Variants in FNDC3B observed in about 807,000 individuals in gnomAD.
The protein encoded by FNDC3B is fibronectin type III domain containing 3B.
In FNDC3B, 12 loss-of-function variants were observed where a neutral mutation model predicts 151.5. The observed-to-expected ratio is 0.08, with a 90% CI of 0.05 to 0.13. The LOEUF (loss-of-function observed/expected upper bound fraction) is 0.13. Ranked by LOEUF, FNDC3B falls within the 10% of genes least tolerant of loss-of-function variation. The pLI, the probability that FNDC3B is intolerant of heterozygous loss-of-function variation, is 1.00. For missense variants in FNDC3B, 1,214 were observed against 1,505.3 expected, an observed-to-expected ratio of 0.81 and a Z score of 3.20; for synonymous variants, 528 against 549.0, an observed-to-expected ratio of 0.96 and a Z score of 0.54.
intron 1 of FNDC3B, among the ~76,000 whole-genome samples, chr3:172,072,892 G>C (rs1717846951): frequency 1.3e-5 from 2 of 152,128 alleles, no homozygotes; most frequent in Admixed American, 1.3e-4. Flanking sequence ...TGCCTCTTAT[G>C]ATGTGCTTTC....
At chr3:172,217,224 G>A (rs1471105218) in intron 3 of FNDC3B, among the ~76,000 whole-genome samples, 2 of 152,202 alleles carry the variant, frequency 1.3e-5, no homozygotes, top group Non-Finnish European at 2.9e-5. Context: ...TCTAAAAACT[G>A]GAGTTGAAGG....
chr3:172,172,901 T>TA (rs1723355875), intron 3 of FNDC3B, among the ~76,000 whole-genome samples: 1 of 152,198 alleles, frequency 6.6e-6, no homozygotes, highest in African/African-American at 2.4e-5. Context: ...GTGAGTTACT[T>TA]AGGGTGTATT....
chr3:172,277,103 C>G (rs1465751165), intron 6 of FNDC3B, among the ~76,000 whole-genome samples: 1 of 152,000 alleles, frequency 6.6e-6, no homozygotes, highest in African/African-American at 2.4e-5. Context: ...GTCATGAGAT[C>G]AATAACTTTC....
intron 7 of FNDC3B, among the ~76,000 whole-genome samples, chr3:172,293,765 G>A (rs1032376407): frequency 7.2e-5 from 11 of 152,172 alleles, no homozygotes; most frequent in African/African-American, 2.2e-4. Flanking sequence ...TAAATAGTAC[G>A]AAGTGATCTC....
intron 1 of FNDC3B, among the ~76,000 whole-genome samples, chr3:172,057,285 A>T (rs1270265690): frequency 6.6e-6 from 1 of 152,192 alleles, no homozygotes; most frequent in African/African-American, 2.4e-5. Context: ...AGCATCCTTC[A>T]TCTCTGTCAT....
chr3:172,199,014 A>T (rs1441620149), intron 3 of FNDC3B, among the ~76,000 whole-genome samples: 2 of 151,490 alleles, frequency 1.3e-5, no homozygotes, highest in Non-Finnish European at 2.9e-5. Flanking sequence ...TTTTTTGTAG[A>T]TACAGGGTCT....
At chr3:172,241,765 C>G (rs933664833) in intron 4 of FNDC3B, among the ~76,000 whole-genome samples, 1 of 152,168 alleles carries the variant, frequency 6.6e-6, no homozygotes, top group African/African-American at 2.4e-5. Context: ...TCATTATGTA[C>G]CTGGCCCCTC....
At chr3:172,054,265 C>G (rs1423306471) in intron 1 of FNDC3B, among the ~76,000 whole-genome samples, 1 of 152,182 alleles carries the variant, frequency 6.6e-6, no homozygotes, top group Non-Finnish European at 1.5e-5. Flanking sequence ...TCTCTGAGAA[C>G]TCAGAAAGCA....
rs538046992 is a variant in FNDC3B at position 172,098,907 on chromosome 3, T to C, written c.-28-13545T>C. On this transcript the variant is annotated intron_variant, in intron 1 of 25. Coordinates refer to ENST00000415807, the MANE Select transcript of FNDC3B (RefSeq NM_022763.4). ...AAGGCGTGCTTCCTGTGTGAGTACCTATTGTGGAGTCCTCGGTTGAATGGG... is the reference window on the plus strand; with the variant it reads ...AAGGCGTGCTTCCTGTGTGAGTACCCATTGTGGAGTCCTCGGTTGAATGGG... 2.6e-5 allele frequency among the ~76,000 whole-genome samples: 4 copies of C among 152,322 alleles called. No individual in the cohort carries two copies. The East Asian group carries it at 7.7e-4, about 29-fold the overall frequency.
At chr3:172,319,758 A>G (rs990778633) in intron 11 of FNDC3B, among the ~76,000 whole-genome samples, 1 of 152,212 alleles carries the variant, frequency 6.6e-6, no homozygotes, top group African/African-American at 2.4e-5. Context: ...TCTGAAGCCA[A>G]CATTGGTCTT....
At position 172,040,393 on chromosome 3, in the gene FNDC3B, G is replaced by GC. The variant is rs543262423; in HGVS notation, c.-29+629dup. 2.6e-4 allele frequency among the ~76,000 whole-genome samples: 40 copies of GC among 151,876 alleles called. 1 individual carries two copies. In the South Asian group the frequency reaches 8.1e-3, roughly 31 times the overall value. ...AGGGTCCCGAGCCCGCGCCGGCCTG[G>GC]CCCCCCCGTCCCCGGCTGGGCCTCT... On this transcript the variant is annotated intron_variant, in intron 1 of 25. Coordinates refer to ENST00000415807, the MANE Select transcript of FNDC3B (RefSeq NM_022763.4). The surrounding 1 kb of genome is among the most constrained non-coding windows in gnomAD (Gnocchi z 6.6).
intron 1 of FNDC3B, among the ~76,000 whole-genome samples, chr3:172,107,784 G>A (rs1719732333): frequency 6.6e-6 from 1 of 152,138 alleles, no homozygotes; most frequent in African/African-American, 2.4e-5. Context: ...CTCTGTGTGT[G>A]TATGTAACTG....
At chr3:172,208,738 A>AACTT (rs1560018933) in intron 3 of FNDC3B, among the ~76,000 whole-genome samples, 1 of 151,854 alleles carries the variant, frequency 6.6e-6, no homozygotes, top group Non-Finnish European at 1.5e-5. Context: ...TGGATCAGGC[A>AACTT]GCACCACCGG....
chr3:172,363,432 C>A (rs1734459958), intron 23 of FNDC3B, among the ~76,000 whole-genome samples: 1 of 152,326 alleles, frequency 6.6e-6, no homozygotes, highest in African/African-American at 2.4e-5. Context: ...AACCTAACTT[C>A]ATTTCCTCTG....
intron 3 of FNDC3B, among the ~76,000 whole-genome samples, chr3:172,217,536 C>T (rs2108725851): frequency 7.3e-6 from 1 of 137,070 alleles, no homozygotes; most frequent in East Asian, 2.1e-4. Flanking sequence ...ATAAAATCTT[C>T]TGTGTGACTT....
chr3:172,318,955 G>T (rs547914610), intron 11 of FNDC3B, among the ~76,000 whole-genome samples: 37 of 152,236 alleles, frequency 2.4e-4, no homozygotes, highest in Non-Finnish European at 4.9e-4. Context: ...GCATCTTTAG[G>T]TGCCACTTCA....
intron 1 of FNDC3B, among the ~76,000 whole-genome samples, chr3:172,079,531 CAG>C (rs1299070488): frequency 6.6e-6 from 1 of 152,236 alleles, no homozygotes; most frequent in Non-Finnish European, 1.5e-5. Flanking sequence ...GCCATCAAAA[CAG>C]AGGTATCTTG....
intron 1 of FNDC3B, among the ~76,000 whole-genome samples, chr3:172,072,567 T>C (rs1717831195): frequency 6.6e-6 from 1 of 152,190 alleles, no homozygotes; most frequent in Non-Finnish European, 1.5e-5. Context: ...GGCATCCTCT[T>C]GTTAATTCCT....
At chr3:172,361,588 G>A (rs1040788600) in intron 22 of FNDC3B, among the ~76,000 whole-genome samples, 5 of 152,052 alleles carry the variant, frequency 3.3e-5, no homozygotes, top group Non-Finnish European at 5.9e-5. Flanking sequence ...TTCCATCAGC[G>A]CTTTGGTCAT....
Sources: gnomAD v4.1 joint callset for allele counts (sites outside exome capture counted in the v4.1 genomes callset) on GRCh38, gnomAD v4.1.1 for gene constraint, Gnocchi (gnomAD v3.1) non-coding constraint, MANE v1.5 for transcripts, NCBI Gene and HGNC (gene_info 2026-07-23, HGNC 2026-07-21) for gene names.